The following CDH4 variants were observed in gnomAD, a reference collection of about 807,000 sequenced individuals.
CDH4 encodes the protein cadherin-4.
A neutral mutation model predicts 86.0 loss-of-function variants in CDH4; 33 were observed. The ratio of observed to expected loss-of-function variants is 0.38; its 90% CI spans 0.29 to 0.51. The LOEUF is 0.51. Among genes scored for constraint, CDH4 ranks in the 20% least tolerant of loss-of-function variants. The pLI is 0.86. For synonymous variants in CDH4, 555 were observed against 549.4 expected, an observed-to-expected ratio of 1.01 and a Z score of -0.14; for missense variants, 1,114 against 1,307.4, an observed-to-expected ratio of 0.85 and a Z score of 2.28.
chr20:61,370,664 T>C (rs1374000076), intron 2 of CDH4: 1 of 152,272 alleles, frequency 6.6e-6, no homozygotes, highest in African/African-American at 2.4e-5. Context: ...TTACATCTTT[T>C]GCTTTGTAAA....
intron 2 of CDH4, among the ~76,000 whole-genome samples, chr20:61,542,496 CAGAT>C (rs1291388144): frequency 6.6e-6 from 1 of 152,204 alleles, no homozygotes; most frequent in African/African-American, 2.4e-5. Flanking sequence ...CAACTCTTCA[CAGAT>C]GCAGTCTCAG....
chr20:61,486,231 G>A (rs2085595824), intron 2 of CDH4, among the ~76,000 whole-genome samples: 2 of 152,330 alleles, frequency 1.3e-5, no homozygotes, highest in South Asian at 2.1e-4. Flanking sequence ...CCAGAAACCT[G>A]CACAGTTCTA....
chr20:61,923,904 G>A (rs769202281), intron 10 of CDH4, among the ~76,000 whole-genome samples, 200 bp downstream of exon 10: 4 of 152,184 alleles, frequency 2.6e-5, no homozygotes, highest in Non-Finnish European at 5.9e-5. Flanking sequence ...CTGATCAATC[G>A]TGAGTGTTGT....
At chr20:61,341,515 C>T (rs893223938) in intron 2 of CDH4, among the ~76,000 whole-genome samples, 3 of 136,000 alleles carry the variant, frequency 2.2e-5, no homozygotes, top group Admixed American at 1.4e-4. Context: ...GTTTCATATA[C>T]TTTTTTTTCT....
At chr20:61,906,880 G>C (rs543274347) in intron 8 of CDH4, among the ~76,000 whole-genome samples, 2 of 152,086 alleles carry the variant, frequency 1.3e-5, no homozygotes, top group African/African-American at 4.8e-5. Flanking sequence ...GGCATCTCTG[G>C]AGAGGGCTCA....
At chr20:61,738,309 CA>C (rs1356601388) in intron 2 of CDH4, 1 of 152,242 alleles carries the variant, frequency 6.6e-6, no homozygotes, top group Non-Finnish European at 1.5e-5. Context: ...ATGCGTGCGG[CA>C]GGTAGCGGCT....
chr20:61,630,675 C>T (rs529193082), intron 2 of CDH4, among the ~76,000 whole-genome samples: 1 of 152,338 alleles, frequency 6.6e-6, no homozygotes, highest in South Asian at 2.1e-4. Flanking sequence ...GTCCAAGACA[C>T]TCCAGGATCC....
intron 2 of CDH4, among the ~76,000 whole-genome samples, chr20:61,430,336 C>T (rs1310549944): frequency 1.3e-5 from 2 of 152,216 alleles, no homozygotes; most frequent in Non-Finnish European, 2.9e-5. Context: ...CTCCCCCACA[C>T]CTGAGTCTGC....
chr20:61,596,616 C>T (rs554820017), intron 2 of CDH4, among the ~76,000 whole-genome samples: 21 of 152,288 alleles, frequency 1.4e-4, no homozygotes, highest in African/African-American at 2.4e-4. Flanking sequence ...TGTTTACTGA[C>T]GGGTTGTACC....
At chr20:61,809,943 G>T (rs1203211598) in intron 4 of CDH4, among the ~76,000 whole-genome samples, 1 of 152,168 alleles carries the variant, frequency 6.6e-6, no homozygotes, top group African/African-American at 2.4e-5. Flanking sequence ...GCTGTTGCAG[G>T]CAGTCAGGGG....
chr20:61,691,654 C>A (rs562176069), intron 2 of CDH4, among the ~76,000 whole-genome samples: 2 of 152,336 alleles, frequency 1.3e-5, no homozygotes, highest in African/African-American at 4.8e-5. Flanking sequence ...CATGGTAGAG[C>A]CTGTTGCTCC....
At chr20:61,282,723 G>T (rs966825132) in intron 2 of CDH4, among the ~76,000 whole-genome samples, 1 of 152,252 alleles carries the variant, frequency 6.6e-6, no homozygotes, top group Admixed American at 6.5e-5. Flanking sequence ...TGGTGTGTGT[G>T]CATGCCCACA....
chr20:61,391,452 C>A (rs769714312), intron 2 of CDH4, among the ~76,000 whole-genome samples: 2 of 152,130 alleles, frequency 1.3e-5, no homozygotes, highest in Admixed American at 6.5e-5. Flanking sequence ...CCCTCCGAAC[C>A]GCTTTATTGG....
chr20:61,577,034 A>G (rs1299391648), intron 2 of CDH4, among the ~76,000 whole-genome samples: 2 of 152,278 alleles, frequency 1.3e-5, no homozygotes, highest in African/African-American at 4.8e-5. Flanking sequence ...CACTTGTGTC[A>G]CCACATAAAT....
chr20:61,332,836 T>C (rs554403037), intron 2 of CDH4, among the ~76,000 whole-genome samples: 2 of 152,366 alleles, frequency 1.3e-5, no homozygotes, highest in East Asian at 3.9e-4. Context: ...CTGTGTTTTC[T>C]GATGGTCCAG....
At position 61,811,003 on chromosome 20, in the gene CDH4, A is replaced by G. The variant is rs977395337; in HGVS notation, c.577-33665A>G. ...ACGGGAGCTAGAAAGGAATCAGTCA[A>G]ACGAACTCATGGCTCTTCATCCCCT... On this transcript the variant is annotated intron_variant, in intron 4 of 15. Coordinates refer to ENST00000614565, the MANE Select transcript of CDH4 (RefSeq NM_001794.5). The surrounding 1 kb of genome is among the most constrained non-coding windows in gnomAD (Gnocchi z 4.4). Among the ~76,000 whole-genome samples the G allele has an allele frequency of 1.3e-5, 2 of 152,180 alleles. No homozygotes were observed. Among genetic ancestry groups the G allele is most frequent in the African/African-American group, 4.8e-5 (2 of 41,462 alleles).
Position 61,369,132 on chromosome 20 carries a change from C to T in CDH4, c.169+114195C>T, listed in dbSNP as rs1461961635. 2.6e-5 allele frequency among the ~76,000 whole-genome samples: 4 copies of T among 152,180 alleles called. No homozygotes were observed. In the East Asian group the frequency reaches 7.8e-4, roughly 29 times the overall value. On this transcript the variant is annotated intron_variant, in intron 2 of 15. Coordinates refer to ENST00000614565, the MANE Select transcript of CDH4 (RefSeq NM_001794.5). ...ACTCCTGTCAAAACAGCAGTTGAAC[C>T]CCTGGCCCAGGATAGTCTTTTGTTA... is the stretch of plus-strand genomic sequence containing the variant.
chr20:61,462,256 C>A (rs1568853775), intron 2 of CDH4, among the ~76,000 whole-genome samples: 1 of 152,172 alleles, frequency 6.6e-6, no homozygotes, highest in Non-Finnish European at 1.5e-5. Context: ...CATTGGAGTT[C>A]TCTTGAAGAT....
At chr20:61,413,272 G>C (rs1369985549) in intron 2 of CDH4, among the ~76,000 whole-genome samples, 1 of 151,178 alleles carries the variant, frequency 6.6e-6, no homozygotes, top group Admixed American at 6.6e-5. Context: ...GTGCTTTCCA[G>C]CTGGTTGTGT....
Sources: gnomAD v4.1 joint callset for allele counts (sites outside exome capture counted in the v4.1 genomes callset) on GRCh38, gnomAD v4.1.1 for gene constraint, Gnocchi (gnomAD v3.1) non-coding constraint, MANE v1.5 for transcripts, NCBI Gene and HGNC (gene_info 2026-07-23, HGNC 2026-07-21) for gene names.